LRIF1: variants seen among roughly 807,000 people sequenced by gnomAD.
The protein encoded by LRIF1 is ligand dependent nuclear receptor interacting factor 1.
A neutral mutation model predicts 52.7 loss-of-function variants in LRIF1; 32 were observed. The observed-to-expected ratio is 0.61, with a 90% CI of 0.46 to 0.82. LRIF1 has a LOEUF of 0.82. LRIF1 is among the 40% of genes least tolerant of loss of function. The pLI is 0.00. For missense variants in LRIF1, 887 were observed against 892.0 expected, an observed-to-expected ratio of 0.99 and a Z score of 0.07; for synonymous variants, 323 against 317.4, an observed-to-expected ratio of 1.02 and a Z score of -0.19.
At chr1:110,882,167 G>T in the LRIF1 span, among the ~76,000 whole-genome samples, 2 of 152,100 alleles carry the variant, frequency 1.3e-5, no homozygotes, top group Non-Finnish European at 2.9e-5. Flanking sequence ...TCTTATCTGA[G>T]AACTCTTTGC....
chr1:110,900,765 A>C, the LRIF1 span, among the ~76,000 whole-genome samples: 75 of 143,130 alleles, frequency 5.2e-4, no homozygotes, highest in African/African-American at 1.3e-3. Flanking sequence ...AAAAAAAAAA[A>C]CAAAAAAAAA....
the LRIF1 span, among the ~76,000 whole-genome samples, chr1:110,914,151 G>A: frequency 1.8e-4 from 27 of 152,018 alleles, no homozygotes; most frequent in African/African-American, 6.5e-4. Context: ...GGTTACTTGA[G>A]GGTGAAGGGT....
the LRIF1 span, among the ~76,000 whole-genome samples, chr1:110,916,341 G>A: frequency 6.6e-6 from 1 of 152,066 alleles, no homozygotes; most frequent in Non-Finnish European, 1.5e-5. Context: ...GAAAGAAGAT[G>A]AACATATTGA....
At position 110,951,724 on chromosome 1, in the gene LRIF1, G is replaced by A. The variant is rs1183123640; in HGVS notation, c.1160C>T (p.Pro387Leu). The change falls in exon 2 of 4, where the codon CCT (proline) becomes CTT (leucine). Residue 387 changes from proline (P) to leucine (L), a missense_variant. Pro to Leu is a moderately conservative substitution (Grantham distance 98, BLOSUM62 -3). Transcript: ENST00000369763. ...CGTGTCTTTTCTTACTGGAGTATCA[G>A]GAGAAACAGAATTCTGTTGGTCAAT... is the stretch of plus-strand genomic sequence containing the variant. ...SQIDQQNSVSPDTPVRKDTLQ... is the reference protein window; with the variant it reads ...SQIDQQNSVSLDTPVRKDTLQ... 2.5e-6 allele frequency: 4 copies of A among 1,613,818 alleles called. No homozygotes were observed. In the South Asian group the frequency reaches 4.4e-5, roughly 18 times the overall value.
chr1:110,940,309 T>C, the LRIF1 span: 1 of 152,196 alleles, frequency 6.6e-6, no homozygotes, highest in South Asian at 2.1e-4. Flanking sequence ...AAAATGGTTT[T>C]TATCCAAAAG....
At chr1:110,953,490 T>C (rs921554041) in intron 1 of LRIF1, among the ~76,000 whole-genome samples, 2 of 152,206 alleles carry the variant, frequency 1.3e-5, no homozygotes, top group African/African-American at 4.8e-5. Flanking sequence ...AACCCATACA[T>C]ATAATACCAC....
Position 110,947,761 on chromosome 1 carries a change from G to A in LRIF1, c.*198C>T, listed in dbSNP as rs1420108351. The A allele has an allele frequency of 7.2e-6, 4 of 555,990 alleles. No individual in the cohort carries two copies. The highest frequency in any genetic ancestry group is 1.1e-5 in the Non-Finnish European group (4 of 350,022). The allele number at this position is 555,990 out of a possible 1,614,324, so 34.4% of individuals were successfully genotyped here. On this transcript the variant is annotated 3_prime_UTR_variant, in exon 4 of 4. Transcript: ENST00000369763. ...CCAAAAAAAGGTATCTAAGACAAAG[G>A]TATAGATACCCCATGTAAATTATTC...
In LRIF1 at chr1:110,947,995, A is replaced by G. The variant is rs760788005; in HGVS notation, c.2274T>C (p.Ala758=). The part of the protein sequence containing the change: ...LKQVLREKEA[A]LEEMRKKMHQ... ...GCATCTTCTTACGCATTTCTTCAAGAGCTGCTTCTTTCTCTCTCAGCACCT... is the reference window on the plus strand; with the variant it reads ...GCATCTTCTTACGCATTTCTTCAAGGGCTGCTTCTTTCTCTCTCAGCACCT... The change falls in exon 4 of 4, where the codon GCT becomes GCC. Residue 758 remains alanine (A), a synonymous_variant. Transcript: ENST00000369763. 4 of 1,593,144 alleles carry G rather than the reference A, an allele frequency of 2.5e-6. No homozygotes were observed. Among genetic ancestry groups the G allele is most frequent in the African/African-American group, 2.7e-5 (2 of 73,510 alleles).
In LRIF1 at chr1:110,952,233, G is replaced by T. The variant is rs146160712; in HGVS notation, c.651C>A (p.Thr217=). 6.2e-7 allele frequency: 1 copy of T among 1,614,182 alleles called. No individual in the cohort carries two copies. The highest frequency in any genetic ancestry group is 8.5e-7 in the Non-Finnish European group (1 of 1,180,028). ...QKILATATTS[T]SGMVEASQMP... The stretch of plus-strand genomic sequence containing the variant: ...TTTGGGAGGCCTCAACCATTCCTGA[G>T]GTACTGGTGGTGGCAGTTGCAAGTA... Residue 217 remains threonine (T), a synonymous_variant, in exon 2 of 4, where the codon ACC becomes ACA. Coordinates refer to ENST00000369763, the MANE Select transcript of LRIF1 (RefSeq NM_018372.4).
the LRIF1 span, among the ~76,000 whole-genome samples, chr1:110,901,432 T>G: frequency 6.7e-6 from 1 of 150,002 alleles, no homozygotes; most frequent in Admixed American, 6.7e-5. Flanking sequence ...CACCTTGGCT[T>G]CCCAAAGTGC....
At chr1:110,898,575 C>T in the LRIF1 span, among the ~76,000 whole-genome samples, 9 of 151,824 alleles carry the variant, frequency 5.9e-5, no homozygotes, top group African/African-American at 9.7e-5. Flanking sequence ...GGGCTGATGA[C>T]GAAAATTGTA....
the LRIF1 span, chr1:110,896,528 T>G: frequency 2.4e-6 from 2 of 821,466 alleles, no homozygotes; most frequent in South Asian, 3.1e-5. Flanking sequence ...CCCATAGCAA[T>G]CAGACCAATT....
At chr1:110,878,921 CATTT>C in the LRIF1 span, among the ~76,000 whole-genome samples, 2 of 152,094 alleles carry the variant, frequency 1.3e-5, no homozygotes, top group Middle Eastern at 3.2e-3. Context: ...ACTGTACTTG[CATTT>C]ATTTATTTAT....
chr1:110,949,203 T>A (rs1055195261), intron 3 of LRIF1, among the ~76,000 whole-genome samples: 5 of 151,620 alleles, frequency 3.3e-5, no homozygotes, highest in African/African-American at 9.7e-5. Context: ...CTGCAACCTC[T>A]GCCTTCCGGG....
chr1:110,893,357 T>C, the LRIF1 span, among the ~76,000 whole-genome samples: 2 of 152,198 alleles, frequency 1.3e-5, no homozygotes, highest in Admixed American at 6.5e-5. Flanking sequence ...AGTTTCACTC[T>C]TGTTGCCCAG....
the LRIF1 span, among the ~76,000 whole-genome samples, chr1:110,905,999 G>T: frequency 6.6e-6 from 1 of 151,912 alleles, no homozygotes; most frequent in African/African-American, 2.4e-5. Context: ...GATAGTATTT[G>T]CAAGTCTCAT....
the LRIF1 span, among the ~76,000 whole-genome samples, chr1:110,888,872 A>C: frequency 6.6e-6 from 1 of 152,202 alleles, no homozygotes; most frequent in Non-Finnish European, 1.5e-5. Flanking sequence ...GTCTGTGTTT[A>C]GCTGCTCAAG....
At chr1:110,941,175 G>C in the LRIF1 span, 1 of 152,088 alleles carries the variant, frequency 6.6e-6, no homozygotes, top group South Asian at 2.1e-4. Context: ...ACAAGATCTG[G>C]TGTTAAATGT....
the LRIF1 span, among the ~76,000 whole-genome samples, chr1:110,906,525 C>T: frequency 6.6e-6 from 1 of 152,090 alleles, no homozygotes; most frequent in Non-Finnish European, 1.5e-5. Context: ...GCCTGGGTGA[C>T]AGGGTGAGAT....
Sources: gnomAD v4.1 joint callset for allele counts (sites outside exome capture counted in the v4.1 genomes callset) on GRCh38, gnomAD v4.1.1 for gene constraint, MANE v1.5 for transcripts, NCBI Gene and HGNC (gene_info 2026-07-23, HGNC 2026-07-21) for gene names.